Variants in PDE6H observed in about 807,000 individuals in gnomAD.
The protein encoded by PDE6H is phosphodiesterase 6H, also known as retinal cone rhodopsin-sensitive cGMP 3',5'-cyclic phosphodiesterase subunit gamma.
A neutral mutation model predicts 9.2 loss-of-function variants in PDE6H; 11 were observed. The ratio of observed to expected loss-of-function variants is 1.19; its 90% CI spans 0.75 to 1.97. PDE6H has a LOEUF of 1.97. Ranked by LOEUF, PDE6H falls within the 30% of genes most tolerant of loss-of-function variation. The pLI is 0.00. For missense variants in PDE6H, 98 were observed against 101.5 expected, an observed-to-expected ratio of 0.97 and a Z score of 0.15; for synonymous variants, 36 against 33.6, an observed-to-expected ratio of 1.07 and a Z score of -0.25.
Position 14,978,084 on chromosome 12 carries a change from C to A in PDE6H, c.72C>A (p.Pro24=). The change falls in exon 2 of 4, where the codon CCC becomes CCA. Residue 24 remains proline (P), a synonymous_variant. Transcript: ENST00000266395. ...CTACCACCCCACGCAAAGGCCCTCC[C>A]AAGTTCAAGCAGAGGCAGACTCGCC... is the stretch of plus-strand genomic sequence containing the variant. ...QGPTTPRKGP[P]KFKQRQTRQF... 6.2e-7 allele frequency: 1 copy of A among 1,613,726 alleles called. No homozygotes were observed. The highest frequency in any genetic ancestry group is 8.5e-7 in the Non-Finnish European group (1 of 1,179,864).
chr12:14,979,999 A>G (rs911265594), intron 3 of PDE6H, among the ~76,000 whole-genome samples: 2 of 152,224 alleles, frequency 1.3e-5, no homozygotes, highest in Non-Finnish European at 2.9e-5. Context: ...CATAGCTTGA[A>G]TTAGAGTTTT....
chr12:14,977,914 T>C (rs982674949), intron 1 of PDE6H, 58 bp from the exon 2 acceptor site: 11 of 1,187,160 alleles, frequency 9.3e-6, no homozygotes, highest in Non-Finnish European at 1.3e-5. Flanking sequence ...AAAGATCTAA[T>C]AACCAATGGT....
chr12:14,981,295 G>T, intron 3 of PDE6H, 105 bp from the exon 4 acceptor site: 1 of 803,694 alleles, frequency 1.2e-6, no homozygotes, highest in South Asian at 1.3e-5. Context: ...AGGGGACAAT[G>T]AGCAGGAGAG....
intron 1 of PDE6H, among the ~76,000 whole-genome samples, chr12:14,974,821 G>A (rs948380242): frequency 9.2e-5 from 14 of 152,360 alleles, no homozygotes; most frequent in East Asian, 5.8e-4. Flanking sequence ...TTGGCCCAGA[G>A]GAAGGAGGTG....
At chr12:14,980,233 A>G (rs1864661844) in intron 3 of PDE6H, among the ~76,000 whole-genome samples, 1 of 152,224 alleles carries the variant, frequency 6.6e-6, no homozygotes, top group Non-Finnish European at 1.5e-5. Context: ...CTCATACAGT[A>G]TACAGCTTTT....
At chr12:14,974,608 G>T (rs1864565212) in intron 1 of PDE6H, among the ~76,000 whole-genome samples, 1 of 152,364 alleles carries the variant, frequency 6.6e-6, no homozygotes, top group Non-Finnish European at 1.5e-5. Context: ...ATGTATCATT[G>T]GGGAATATGG....
At position 14,977,999 on chromosome 12, in the gene PDE6H, C is replaced by CG. The variant is rs776691712; in HGVS notation, c.-8dup. The CG allele has an allele frequency of 1.4e-5, 23 of 1,612,732 alleles. No individual in the cohort carries two copies. The highest frequency in any genetic ancestry group is 6.7e-5 in the East Asian group (3 of 44,864). On this transcript the variant is annotated 5_prime_UTR_variant, in exon 2 of 4. Coordinates refer to ENST00000266395, the MANE Select transcript of PDE6H (RefSeq NM_006205.3). ...GGCTGAAAGGGAAACATCAGCCGCCCGGGGGGAGTTAAAATGAGTGACAAC... is the reference window on the plus strand; with the variant it reads ...GGCTGAAAGGGAAACATCAGCCGCCCGGGGGGGAGTTAAAATGAGTGACAAC...
chr12:14,974,096 C>T (rs1189935283), intron 1 of PDE6H, among the ~76,000 whole-genome samples: 1 of 152,164 alleles, frequency 6.6e-6, no homozygotes, highest in African/African-American at 2.4e-5. Flanking sequence ...GCTAACATTG[C>T]TTTAAATACA....
In PDE6H at chr12:14,978,291, T is replaced by A. The variant is rs986942656; in HGVS notation, c.134+145T>A. The A allele has an allele frequency of 8.4e-6, 6 of 714,216 alleles. No homozygotes were observed. The African/African-American group carries it at 1.1e-4, about 13-fold the overall frequency. 44.2% of individuals were successfully genotyped at this position (714,216 alleles called of 1,614,324 possible). ...CTCTCTTTTCCTCTGTAACTCCATCTTTGATGAATTGTGTCTTTATCCCTG... is the reference window on the plus strand; with the variant it reads ...CTCTCTTTTCCTCTGTAACTCCATCATTGATGAATTGTGTCTTTATCCCTG... On this transcript the variant is annotated intron_variant, in intron 2 of 3. Transcript: ENST00000266395.
chr12:14,977,628 A>G (rs1200731600), intron 1 of PDE6H, among the ~76,000 whole-genome samples: 1 of 152,126 alleles, frequency 6.6e-6, no homozygotes, highest in Non-Finnish European at 1.5e-5. Context: ...TAATTTATTT[A>G]TTTAAAAATT....
chr12:14,981,367 T>C (rs556230200), intron 3 of PDE6H, 33 bp from the exon 4 acceptor site: 6 of 1,406,230 alleles, frequency 4.3e-6, no homozygotes, highest in Admixed American at 3.3e-5. Context: ...TGGGGTGAGG[T>C]TGGCTTACGT....
chr12:14,978,195 C>G (rs1157543091), intron 2 of PDE6H, 49 bp downstream of exon 2: 1 of 1,564,932 alleles, frequency 6.4e-7, no homozygotes, highest in Non-Finnish European at 8.8e-7. Flanking sequence ...CTTTTTCCCA[C>G]AAGACTGCTT....
intron 1 of PDE6H, among the ~76,000 whole-genome samples, chr12:14,973,583 C>G (rs919953601): frequency 1.3e-5 from 2 of 152,126 alleles, no homozygotes; most frequent in African/African-American, 4.8e-5. Flanking sequence ...AGTGTTTGTT[C>G]CATTCTGAAG....
Position 14,981,523 on chromosome 12 carries a change from G to C in PDE6H, c.*47G>C, listed in dbSNP as rs886049108. 33 of 1,376,824 alleles carry C rather than the reference G, an allele frequency of 2.4e-5. No homozygotes were observed. Among genetic ancestry groups the C allele is most frequent in the Non-Finnish European group, 3.3e-5 (32 of 963,708 alleles). The allele number at this position is 1,376,824 out of a possible 1,614,324, so 85.3% of individuals were successfully genotyped here. On this transcript the variant is annotated 3_prime_UTR_variant, in exon 4 of 4. Coordinates refer to ENST00000266395, the MANE Select transcript of PDE6H (RefSeq NM_006205.3). ...CTCAATGACATCTGCTGTAATTTTGGTTGCTTTTGCCCTGTTGATCTGCCG... is the reference window on the plus strand; with the variant it reads ...CTCAATGACATCTGCTGTAATTTTGCTTGCTTTTGCCCTGTTGATCTGCCG...
Position 14,981,707 on chromosome 12 carries a change from A to C in PDE6H, c.*231A>C, listed in dbSNP as rs1864687917. The stretch of plus-strand genomic sequence containing the variant: ...ACTTGACCACCTTTTCCTACCAGCT[A>C]GTTAGAAGTCATCAATATTTCTCTA... On this transcript the variant is annotated 3_prime_UTR_variant, in exon 4 of 4. Transcript: ENST00000266395. 1 of 596,604 alleles carries C rather than the reference A, an allele frequency of 1.7e-6. No homozygotes were observed. The highest frequency in any genetic ancestry group is 2.9e-5 in the Admixed American group (1 of 33,966). The allele number at this position is 596,604 out of a possible 1,614,324, so 37.0% of individuals were successfully genotyped here.
chr12:14,976,241 C>T (rs1023157200), intron 1 of PDE6H, among the ~76,000 whole-genome samples: 9 of 152,050 alleles, frequency 5.9e-5, no homozygotes, highest in Non-Finnish European at 1.0e-4. Flanking sequence ...TGAAGCTAGT[C>T]CAGTAGGGGA....
intron 2 of PDE6H, among the ~76,000 whole-genome samples, chr12:14,978,921 A>C (rs1478322067): frequency 6.6e-6 from 1 of 152,154 alleles, no homozygotes; most frequent in East Asian, 1.9e-4. Flanking sequence ...AAGTTGTCCC[A>C]CTGATGGTTC....
At position 14,981,392 on chromosome 12, in the gene PDE6H, T is replaced by C; in HGVS notation, c.176-8T>C. ...TTGGCTTACGTGCTCTTCTTCCATC[T>C]CTTGCAGATATCACAGTGATTTGTC... On this transcript the variant is annotated splice_region_variant and splice_polypyrimidine_tract_variant and intron_variant, in intron 3 of 3. Coordinates refer to ENST00000266395, the MANE Select transcript of PDE6H (RefSeq NM_006205.3). 1 of 1,596,358 alleles carries C rather than the reference T, an allele frequency of 6.3e-7. No homozygotes were observed. Among genetic ancestry groups the C allele is most frequent in the Non-Finnish European group, 8.6e-7 (1 of 1,163,894 alleles).
chr12:14,981,074 C>A (rs1040661561), intron 3 of PDE6H, among the ~76,000 whole-genome samples: 44 of 152,232 alleles, frequency 2.9e-4, no homozygotes, highest in African/African-American at 1.1e-3. Flanking sequence ...GACTAGAATT[C>A]CACTTCTGCC....
Sources: gnomAD v4.1 joint callset for allele counts (sites outside exome capture counted in the v4.1 genomes callset) on GRCh38, gnomAD v4.1.1 for gene constraint, MANE v1.5 for transcripts, NCBI Gene and HGNC (gene_info 2026-07-23, HGNC 2026-07-21) for gene names.